ANO10: variants seen among roughly 807,000 people sequenced by gnomAD.
The protein encoded by ANO10 is anoctamin 10.
ANO10 carries 77 observed loss-of-function variants against 74.7 expected under a neutral mutation model. The observed-to-expected ratio is 1.03, with a 90% confidence interval of 0.86 to 1.25. ANO10 has a LOEUF of 1.25. Ranked by LOEUF, ANO10 falls within the 50% of genes most tolerant of loss-of-function variation. ANO10 has a pLI of 0.00. For missense variants in ANO10, 721 were observed against 778.1 expected (o/e 0.93, Z 0.87); for synonymous variants, 279 against 284.9 (o/e 0.98, Z 0.21).
chr3:43,654,318 G>T (rs556780151), intron 1 of ANO10, among the ~76,000 whole-genome samples: 1 of 152,036 alleles, frequency 6.6e-6, no homozygotes, highest in East Asian at 1.9e-4. Flanking sequence ...ATACTCTGTT[G>T]GGTCTCCTTT....
chr3:43,401,456 A>G (rs1451402210), intron 12 of ANO10, among the ~76,000 whole-genome samples: 1 of 146,038 alleles, frequency 6.8e-6, no homozygotes, highest in Non-Finnish European at 1.6e-5. Flanking sequence ...TCAAGAATAG[A>G]TTCTTTGTTA....
intron 11 of ANO10, among the ~76,000 whole-genome samples, chr3:43,453,145 G>A (rs970501148): frequency 6.7e-6 from 1 of 149,668 alleles, no homozygotes; most frequent in Non-Finnish European, 1.5e-5. Flanking sequence ...AAAGGTTTCA[G>A]TTTTGATGAA....
intron 7 of ANO10, among the ~76,000 whole-genome samples, chr3:43,570,081 C>G (rs1231554276): frequency 3.4e-5 from 5 of 146,558 alleles, no homozygotes; most frequent in Non-Finnish European, 7.6e-5. Flanking sequence ...CTCCCATTCA[C>G]AATTGCTTCA....
chr3:43,462,693 G>A (rs2075433498), intron 11 of ANO10, among the ~76,000 whole-genome samples: 1 of 152,234 alleles, frequency 6.6e-6, no homozygotes. Context: ...CCAAGACAAT[G>A]GTGAAAATGT....
At chr3:43,670,098 A>T (rs2084039557) in intron 1 of ANO10, among the ~76,000 whole-genome samples, 1 of 152,034 alleles carries the variant, frequency 6.6e-6, no homozygotes, top group Non-Finnish European at 1.5e-5. Context: ...CACACCTGTA[A>T]TCCCGGCACT....
intron 1 of ANO10, among the ~76,000 whole-genome samples, chr3:43,612,839 G>A (rs888333982): frequency 6.6e-6 from 1 of 151,790 alleles, no homozygotes; most frequent in African/African-American, 2.4e-5. Flanking sequence ...TTTTGTCAGG[G>A]GCAAAAAAGG....
intron 1 of ANO10, among the ~76,000 whole-genome samples, chr3:43,666,328 T>G (rs944685853): frequency 6.6e-6 from 1 of 152,180 alleles, no homozygotes; most frequent in African/African-American, 2.4e-5. Context: ...ACATGGAGTA[T>G]GAATTATCTC....
intron 1 of ANO10, among the ~76,000 whole-genome samples, chr3:43,630,463 A>G (rs1219844392): frequency 6.6e-6 from 1 of 152,202 alleles, no homozygotes; most frequent in Non-Finnish European, 1.5e-5. Flanking sequence ...AGTTAAATTC[A>G]GAGGGAAAAA....
Position 43,574,847 on chromosome 3 carries a change from A to G in ANO10, c.1180T>C (p.Ser394Pro). The change falls in exon 7 of 13, where the codon TCT (serine) becomes CCT (proline). Residue 394 changes from serine to proline, a missense_variant. Transcript: ENST00000292246. ...AGAATTAGATGGTTCTGATAGGCAGATTCCAATCTGTGATTCTCTAAAACA... is the reference window on the plus strand; with the variant it reads ...AGAATTAGATGGTTCTGATAGGCAGGTTCCAATCTGTGATTCTCTAAAACA... ...LTSWENHRLESAYQNHLILKV... is the reference protein window; with the variant it reads ...LTSWENHRLEPAYQNHLILKV... The G allele has an allele frequency of 6.2e-7, 1 of 1,614,078 alleles. No homozygotes were observed. Among genetic ancestry groups the G allele is most frequent in the South Asian group, 1.1e-5 (1 of 91,082 alleles).
chr3:43,658,055 C>T (rs1011037123), intron 1 of ANO10, among the ~76,000 whole-genome samples: 11 of 152,174 alleles, frequency 7.2e-5, no homozygotes, highest in Admixed American at 2.0e-4. Context: ...GTCCTCCCTT[C>T]ACTCAGGTAA....
chr3:43,366,823 C>A lies in ANO10; in HGVS notation c.*83G>T. 1 of 1,408,376 alleles carries A rather than the reference C, an allele frequency of 7.1e-7. No individual in the cohort carries two copies. Among genetic ancestry groups the A allele is most frequent in the Non-Finnish European group, 9.8e-7 (1 of 1,019,020 alleles). The allele number at this position is 1,408,376 out of a possible 1,614,324, so 87.2% of individuals were successfully genotyped here. On this transcript the variant is annotated 3_prime_UTR_variant, in exon 13 of 13. Coordinates refer to ENST00000292246, the MANE Select transcript of ANO10 (RefSeq NM_018075.5). ...TCTGGGTTCAGGAGCCACGATGCTG[C>A]CCCGGGTACCCCCCCTGCCACCGTG...
intron 10 of ANO10, among the ~76,000 whole-genome samples, chr3:43,554,180 ATTTTTCTTTTTTTTTTTT>A (rs922510742): frequency 3.9e-5 from 5 of 127,152 alleles, no homozygotes; most frequent in Admixed American, 2.3e-4. Flanking sequence ...ATGATGAGTG[ATTTTTCTTTTTTTTTTTT>A]TTTTTCTTTT....
intron 12 of ANO10, among the ~76,000 whole-genome samples, chr3:43,397,625 G>A (rs554494652): frequency 4.6e-4 from 70 of 152,308 alleles, no homozygotes; most frequent in African/African-American, 1.6e-3. Context: ...CAGGCTAGTA[G>A]GAATAACACT....
chr3:43,605,399 T>C (rs897919778), intron 2 of ANO10, among the ~76,000 whole-genome samples: 1 of 152,122 alleles, frequency 6.6e-6, no homozygotes, highest in Non-Finnish European at 1.5e-5. Context: ...GTCCATTCAT[T>C]TGACAAATAT....
At chr3:43,526,951 ATG>A (rs887985633) in intron 11 of ANO10, among the ~76,000 whole-genome samples, 29 of 152,054 alleles carry the variant, frequency 1.9e-4, no homozygotes, top group African/African-American at 7.0e-4. Flanking sequence ...ACACATACAT[ATG>A]TGTGTGTATA....
chr3:43,550,383 C>A (rs893203319), intron 10 of ANO10, among the ~76,000 whole-genome samples: 3 of 152,070 alleles, frequency 2.0e-5, no homozygotes, highest in African/African-American at 7.2e-5. Context: ...AGATGCTAGG[C>A]CCCACTGAGA....
chr3:43,376,299 C>T (rs1035661800), intron 12 of ANO10, among the ~76,000 whole-genome samples: 11 of 152,120 alleles, frequency 7.2e-5, no homozygotes, highest in African/African-American at 1.2e-4. Context: ...ATTGAATGGA[C>T]GGTTTTTTGA....
intron 11 of ANO10, among the ~76,000 whole-genome samples, chr3:43,458,040 C>G (rs1288310855): frequency 6.6e-6 from 1 of 152,104 alleles, no homozygotes; most frequent in Non-Finnish European, 1.5e-5. Flanking sequence ...CACTGAGCTC[C>G]AGGCAACAAA....
At position 43,485,160 on chromosome 3, in the gene ANO10, C is replaced by T. The variant is rs1366453444; in HGVS notation, c.1798-52433G>A. On this transcript the variant is annotated intron_variant, in intron 11 of 12. Transcript: ENST00000292246. ...GATCTGGATGGAGTGGGCCCTGGCG[C>T]GGTAGCACTGGGTGACAGCGCCTGC... 26 of 747,300 alleles carry T rather than the reference C, an allele frequency of 3.5e-5. No individual in the cohort carries two copies. In the East Asian group the frequency reaches 4.9e-4, roughly 14 times the overall value. The allele number at this position is 747,300 out of a possible 1,614,324, so 46.3% of individuals were successfully genotyped here.
Sources: allele counts gnomAD v4.1 joint callset (sites outside exome capture counted in the v4.1 genomes callset), GRCh38; gene constraint gnomAD v4.1.1; transcripts MANE v1.5; gene names NCBI Gene and HGNC (gene_info 2026-07-23, HGNC 2026-07-21).